Variants in LIPE observed in about 807,000 individuals in gnomAD.
LIPE encodes hormone-sensitive lipase.
In LIPE, 66 loss-of-function variants were observed where a neutral mutation model predicts 88.5. The observed-to-expected ratio is 0.75, with a 90% CI of 0.61 to 0.91. LIPE has a LOEUF of 0.91. Ranked by LOEUF, LIPE falls within the 40% of genes least tolerant of loss-of-function variation. LIPE has a pLI of 0.00. For missense variants in LIPE, 1,346 were observed against 1,434.7 expected (o/e 0.94, Z 1.00); for synonymous variants, 570 against 617.5 (o/e 0.92, Z 1.14).
intron 1 of LIPE, among the ~76,000 whole-genome samples, chr19:42,418,234 C>A (rs1178274532): frequency 6.6e-6 from 1 of 152,146 alleles, no homozygotes; most frequent in Non-Finnish European, 1.5e-5. Flanking sequence ...TTGCCCACCT[C>A]GGCCTCCCAA....
intron 1 of LIPE, among the ~76,000 whole-genome samples, chr19:42,413,081 C>G (rs927766636): frequency 1.3e-5 from 2 of 152,238 alleles, no homozygotes; most frequent in African/African-American, 4.8e-5. Flanking sequence ...AGAGAGATTC[C>G]TCACCCATGT....
Position 42,405,428 on chromosome 19 carries a change from C to T in LIPE, c.2499G>A (p.Glu833=), listed in dbSNP as rs779460644. Residue 833 remains glutamate (E), a synonymous_variant, in exon 8 of 10, where the codon GAG becomes GAA. Coordinates refer to ENST00000244289, the MANE Select transcript of LIPE (RefSeq NM_005357.4). ...TCTTCTGGGACTTGCGCCCACTTAA[C>T]TCCAGGAAGGAGTTGAGCCATGAGG... ...GASSWLNSFL[E]LSGRKSQKMS... The T allele has an allele frequency of 4.0e-5, 64 of 1,613,838 alleles. No individual in the cohort carries two copies. In the South Asian group the frequency reaches 6.4e-4, roughly 16 times the overall value.
In LIPE at chr19:42,407,426, G is replaced by T. The variant is rs369701120; in HGVS notation, c.1885C>A (p.Arg629=). The T allele has an allele frequency of 7.4e-6, 12 of 1,613,552 alleles. 1 individual carries two copies. Among genetic ancestry groups the T allele is most frequent in the Middle Eastern group, 1.7e-4 (1 of 6,058 alleles). Residue 629 remains arginine (R), a synonymous_variant, in exon 6 of 10, where the codon CGG becomes AGG. Coordinates refer to ENST00000244289, the MANE Select transcript of LIPE (RefSeq NM_005357.4). This position sits in a 1 kb window ranked among gnomAD's most constrained non-coding sequence, Gnocchi z 5.8. Reference sequence around the variant, plus strand: ...GGGCGCGGCCACAGCTCCAGGCTCCGTTGGCCGTTGGACTTTATCAGGCTG... The same window carrying T: ...GGGCGCGGCCACAGCTCCAGGCTCCTTTGGCCGTTGGACTTTATCAGGCTG... The part of the protein sequence containing the change: ...LSSLIKSNGQ[R]SLELWPRPQQ...
intron 1 of LIPE, among the ~76,000 whole-genome samples, chr19:42,415,432 A>T (rs186254929): frequency 1.3e-5 from 2 of 152,328 alleles, no homozygotes. Flanking sequence ...CTCTTCTGCC[A>T]GTTAGCTAAG....
In LIPE at chr19:42,402,196, A is replaced by ACTC. The variant is rs1002772855; in HGVS notation, c.2968-122_2968-121insGAG. ...GGAAATACGGATACAGACGGAGTGG[A>ACTC]CGGAGGCAGGAGACATGGTGGGTGA... On this transcript the variant is annotated intron_variant, in intron 9 of 9. Coordinates refer to ENST00000244289, the MANE Select transcript of LIPE (RefSeq NM_005357.4). 5 of 997,948 alleles carry ACTC rather than the reference A, an allele frequency of 5.0e-6. No individual in the cohort carries two copies. The African/African-American group carries it at 8.7e-5, about 17-fold the overall frequency. The allele number at this position is 997,948 out of a possible 1,614,324, so 61.8% of individuals were successfully genotyped here.
Position 42,401,701 on chromosome 19 carries a change from G to GCC in LIPE, c.*109_*110dup. On this transcript the variant is annotated 3_prime_UTR_variant, in exon 10 of 10. Coordinates refer to ENST00000244289, the MANE Select transcript of LIPE (RefSeq NM_005357.4). ...CGAGGGTCTCAGCTTTCGGGCCCCC[G>GCC]CCCCGCCCCCTTGCCACCCCCGACT... 6.3e-5 allele frequency: 5 copies of GCC among 79,162 alleles called. No homozygotes were observed. The highest frequency in any genetic ancestry group is 1.5e-4 in the South Asian group (1 of 6,684). The allele number at this position is 79,162 out of a possible 1,614,324, so 4.9% of individuals were successfully genotyped here. A position where few individuals can be genotyped will look rare whatever the true frequency, so the allele number is the denominator to read the frequency against.
intron 1 of LIPE, chr19:42,424,435 TG>T (rs1336112457): frequency 8.8e-6 from 4 of 455,952 alleles, no homozygotes; most frequent in Non-Finnish European, 1.8e-5. Context: ...CCCGCCGCGG[TG>T]GTGTGGGGCG....
rs1357397296 is a variant in LIPE at position 42,408,067 on chromosome 19, A to G, written c.1565T>C (p.Leu522Pro). The change falls in exon 4 of 10, where the codon CTG (leucine) becomes CCG (proline). Residue 522 changes from leucine (L) to proline (P), a missense_variant. Physicochemically the swap from Leu to Pro is moderately conservative, Grantham distance 98. Coordinates refer to ENST00000244289, the MANE Select transcript of LIPE (RefSeq NM_005357.4). This position sits in a 1 kb window ranked among gnomAD's most constrained non-coding sequence, Gnocchi z 4.3. ...TSGRFAIDPELRGAEFERITQ... is the reference protein window; with the variant it reads ...TSGRFAIDPEPRGAEFERITQ... The stretch of plus-strand genomic sequence containing the variant: ...GATCCGCTCAAACTCAGCCCCACGC[A>G]GCTCGGGGTCGATGGCAAAGCGGCC... 6.2e-7 allele frequency: 1 copy of G among 1,613,780 alleles called. No individual in the cohort carries two copies. Among genetic ancestry groups the G allele is most frequent in the Non-Finnish European group, 8.5e-7 (1 of 1,179,900 alleles).
rs1425011241 is a variant in LIPE at position 42,427,035 on chromosome 19, A to G, written c.115T>C (p.Ser39Pro). 1 of 1,613,488 alleles carries G rather than the reference A, an allele frequency of 6.2e-7. No individual in the cohort carries two copies. Among genetic ancestry groups the G allele is most frequent in the Admixed American group, 1.7e-5 (1 of 59,954 alleles). The change falls in exon 1 of 10, where the codon TCG becomes CCG. Residue 39 changes from serine to proline, a missense_variant. Transcript: ENST00000244289. ...GTATTGGATCCCTGCAGAGTCTTCG[A>G]TTCTGGCTGGGCTATGGGTGTCTTT... ...PEKTPIAQPE[S>P]KTLQGSNTQQ...
At chr19:42,405,755 A>G in intron 7 of LIPE, 194 bp from the exon 8 acceptor site, 3 of 601,556 alleles carry the variant, frequency 5.0e-6, no homozygotes, top group Non-Finnish European at 5.8e-6. Context: ...GGATGGCTTG[A>G]GCCCAGGAGT....
intron 1 of LIPE, among the ~76,000 whole-genome samples, chr19:42,422,615 G>A (rs927185484): frequency 2.0e-5 from 3 of 152,160 alleles, no homozygotes; most frequent in Non-Finnish European, 4.4e-5. Context: ...AACCTCCCAC[G>A]GGTCCCCATG....
chr19:42,426,904 A>G lies in LIPE; in HGVS notation c.246T>C (p.Ala82=). 1 of 1,614,152 alleles carries G rather than the reference A, an allele frequency of 6.2e-7. No homozygotes were observed. Among genetic ancestry groups the G allele is most frequent in the East Asian group, 2.2e-5 (1 of 44,880 alleles). The change falls in exon 1 of 10, where the codon GCT becomes GCC. Residue 82 remains alanine (A), a synonymous_variant. Coordinates refer to ENST00000244289, the MANE Select transcript of LIPE (RefSeq NM_005357.4). ...GTGGGGCAAGAAATTCCTCTTGTGA[A>G]GCAGATTTTTGTTGGGCTCTAGGTT... The part of the protein sequence containing the change: ...QKEPRAQQKS[A]SQEEFLAPQK...
Position 42,427,158 on chromosome 19 carries a change from C to T in LIPE, c.-9G>A, listed in dbSNP as rs369150827. 58 of 1,579,038 alleles carry T rather than the reference C, an allele frequency of 3.7e-5. No homozygotes were observed. In the African/African-American group the frequency reaches 6.6e-4, roughly 18 times the overall value. ...TTAGAACCTGGCTCCATTGTTATTTCCCTCACGGGAGATATTGATCTTCCA... is the reference window on the plus strand; with the variant it reads ...TTAGAACCTGGCTCCATTGTTATTTTCCTCACGGGAGATATTGATCTTCCA... On this transcript the variant is annotated 5_prime_UTR_variant, in exon 1 of 10. Transcript: ENST00000244289.
intron 1 of LIPE, among the ~76,000 whole-genome samples, chr19:42,416,976 A>T (rs1487934937): frequency 6.6e-6 from 1 of 152,248 alleles, no homozygotes; most frequent in Non-Finnish European, 1.5e-5. Flanking sequence ...GTTGGAGTGC[A>T]GTGGCGCAAT....
rs1039612035 is a variant in LIPE, at chr19:42,418,856, C to A, written c.883+7411G>T. On this transcript the variant is annotated intron_variant, in intron 1 of 9. Transcript: ENST00000244289. ...AATTTATATTGTTTGCTCTCTGATT[C>A]CCTCACTAGATTGTAAACTCCCTGA... Among the ~76,000 whole-genome samples the A allele has an allele frequency of 2.0e-5, 3 of 152,132 alleles. No individual in the cohort carries two copies. In the East Asian group the frequency reaches 5.8e-4, roughly 29 times the overall value.
At chr19:42,403,122 G>A (rs1228425421) in intron 8 of LIPE, 91 bp from the exon 9 acceptor site, 27 of 1,295,040 alleles carry the variant, frequency 2.1e-5, no homozygotes, top group Non-Finnish European at 2.8e-5. Context: ...AGTCGCCTGT[G>A]GAGCGCTGTG....
rs914414722 is a variant in LIPE at position 42,408,956 on chromosome 19, C to T, written c.1420-634G>A. On this transcript the variant is annotated intron_variant, in intron 2 of 9. Coordinates refer to ENST00000244289, the MANE Select transcript of LIPE (RefSeq NM_005357.4). The surrounding 1 kb of genome is among the most constrained non-coding windows in gnomAD (Gnocchi z 4.3). ...TGACATTGGAGAGGCAAAGGGGGCTCATATAGGGCCTGGGCAGAGGAATTT... is the reference window on the plus strand; with the variant it reads ...TGACATTGGAGAGGCAAAGGGGGCTTATATAGGGCCTGGGCAGAGGAATTT... 1.3e-5 allele frequency among the ~76,000 whole-genome samples: 2 copies of T among 151,790 alleles called. No homozygotes were observed. Among genetic ancestry groups the T allele is most frequent in the African/African-American group, 4.8e-5 (2 of 41,302 alleles).
At chr19:42,421,059 C>T (rs547946209) in intron 1 of LIPE, among the ~76,000 whole-genome samples, 5 of 152,110 alleles carry the variant, frequency 3.3e-5, no homozygotes, top group South Asian at 2.1e-4. Flanking sequence ...CCACCATGCC[C>T]GGCTAATGTT....
At position 42,410,393 on chromosome 19, in the gene LIPE, C is replaced by T; in HGVS notation, c.1333G>A (p.Gly445Ser). The change falls in exon 2 of 10, where the codon GGC (glycine) becomes AGC (serine). Residue 445 changes from glycine (G) to serine (S), a missense_variant. By Grantham distance (56) the Gly-to-Ser change is moderately conservative. Transcript: ENST00000244289. The surrounding 1 kb of genome is among the most constrained non-coding windows in gnomAD (Gnocchi z 6.1). Reference protein sequence around the residue: ...TNRPGVLFFEGDEGLTADFLR... With the variant: ...TNRPGVLFFESDEGLTADFLR... ...AAGTCGGCGGTGAGCCCCTCGTCGC[C>T]CTCAAAGAAGAGTACCCCCGGCCGA... The T allele has an allele frequency of 6.2e-7, 1 of 1,614,142 alleles. No homozygotes were observed. The highest frequency in any genetic ancestry group is 8.5e-7 in the Non-Finnish European group (1 of 1,180,008).
Sources: allele counts gnomAD v4.1 joint callset (sites outside exome capture counted in the v4.1 genomes callset), GRCh38; gene constraint gnomAD v4.1.1; non-coding constraint Gnocchi (gnomAD v3.1); transcripts MANE v1.5; gene names NCBI Gene and HGNC (gene_info 2026-07-23, HGNC 2026-07-21).